ASH1L: variants seen among roughly 807,000 people sequenced by gnomAD.
The protein encoded by ASH1L is ASH1 like histone lysine methyltransferase.
ASH1L carries 23 observed loss-of-function variants against 269.0 expected under a neutral mutation model. The observed-to-expected ratio is 0.09, with a 90% CI of 0.06 to 0.12. The LOEUF (loss-of-function observed/expected upper bound fraction) is 0.12. ASH1L is among the 10% of genes least tolerant of loss of function. The probability of loss-of-function intolerance (pLI) is 1.00; values close to 1 mark genes in which losing one functional copy is unlikely to be tolerated. For synonymous variants in ASH1L, 1,187 were observed against 1,253.5 expected, an observed-to-expected ratio of 0.95 and a Z score of 1.12; for missense variants, 2,912 against 3,567.8, an observed-to-expected ratio of 0.82 and a Z score of 4.68.
chr1:155,355,649 TC>T (rs1233971072), intron 15 of ASH1L, among the ~76,000 whole-genome samples: 1 of 152,192 alleles, frequency 6.6e-6, no homozygotes, highest in Non-Finnish European at 1.5e-5. Flanking sequence ...TTTTCAAAGT[TC>T]CCCATGCTAA....
At chr1:155,500,254 G>A (rs560295071) in intron 2 of ASH1L, among the ~76,000 whole-genome samples, 1 of 152,158 alleles carries the variant, frequency 6.6e-6, no homozygotes, top group African/African-American at 2.4e-5. Flanking sequence ...GTATGTAAAG[G>A]GGGAAGAAAG....
At chr1:155,349,643 G>A (rs1008890179) in intron 17 of ASH1L, 47 bp from the exon 18 acceptor site, 1 of 1,567,918 alleles carries the variant, frequency 6.4e-7, no homozygotes, top group Non-Finnish European at 8.8e-7. Flanking sequence ...CCATACAAGG[G>A]AGGCAAGCAT....
At chr1:155,358,462 G>A (rs967438249) in intron 13 of ASH1L, among the ~76,000 whole-genome samples, 16 of 151,982 alleles carry the variant, frequency 1.1e-4, no homozygotes, top group Non-Finnish European at 2.4e-4. Flanking sequence ...AAGGCGGGCG[G>A]ATCACAAGGT....
intron 1 of ASH1L, among the ~76,000 whole-genome samples, chr1:155,532,005 G>C (rs1042644936): frequency 6.6e-6 from 1 of 152,072 alleles, no homozygotes; most frequent in African/African-American, 2.4e-5. Flanking sequence ...TTCCATCCAG[G>C]GGCAAGGATG....
chr1:155,515,982 T>A (rs1668477398), intron 2 of ASH1L, among the ~76,000 whole-genome samples: 1 of 152,116 alleles, frequency 6.6e-6, no homozygotes, highest in Non-Finnish European at 1.5e-5. Flanking sequence ...TCCTTTGAGG[T>A]AGCCTGATGG....
intron 16 of ASH1L, among the ~76,000 whole-genome samples, chr1:155,353,713 C>A (rs2148357395): frequency 6.6e-6 from 1 of 152,192 alleles, no homozygotes; most frequent in South Asian, 2.1e-4. Flanking sequence ...CTGATAATGA[C>A]CCGTCCCCCA....
chr1:155,360,954 G>A (rs929737541), intron 12 of ASH1L, among the ~76,000 whole-genome samples: 1 of 151,758 alleles, frequency 6.6e-6, no homozygotes, highest in East Asian at 2.0e-4. Flanking sequence ...AAGAGTTCAA[G>A]ACCAGACCAG....
chr1:155,370,901 C>G lies in ASH1L; in HGVS notation c.6415G>C (p.Val2139Leu). 1 of 1,614,176 alleles carries G rather than the reference C, an allele frequency of 6.2e-7. No individual in the cohort carries two copies. Among genetic ancestry groups the G allele is most frequent in the Non-Finnish European group, 8.5e-7 (1 of 1,180,048 alleles). Residue 2139 changes from valine (V) to leucine (L), a missense_variant, in exon 11 of 28, where the codon GTG (valine) becomes CTG (leucine). Coordinates refer to ENST00000392403, the MANE Select transcript of ASH1L (RefSeq NM_018489.3). Reference sequence around the variant, plus strand: ...GCTCGAAATCGTTCTAGACATTGCACCCATTCATGCCTCTGTATCCTCTGG... The same window carrying G: ...GCTCGAAATCGTTCTAGACATTGCAGCCATTCATGCCTCTGTATCCTCTGG... ...CNQRIQRHEW[V>L]QCLERFRAEE...
chr1:155,351,467 C>T (rs1653921721), intron 17 of ASH1L, among the ~76,000 whole-genome samples: 1 of 151,772 alleles, frequency 6.6e-6, no homozygotes, highest in African/African-American at 2.4e-5. Flanking sequence ...GTGGGAGAAT[C>T]ATCTGAACCC....
chr1:155,459,861 T>G lies in ASH1L; in HGVS notation c.5022A>C (p.Pro1674=). 3.7e-6 allele frequency: 6 copies of G among 1,612,744 alleles called. No individual in the cohort carries two copies. The highest frequency in any genetic ancestry group is 5.1e-6 in the Non-Finnish European group (6 of 1,179,496). ...TAGGGCTACAATTTGTGCTCTCTGA[T>G]GGCCGCTGGGAGGGTTTATCAGAGG... ...QPTSDKPSQR[P]SESTNCSPTR... The change falls in exon 4 of 28, where the codon CCA becomes CCC. Residue 1674 remains proline (P), a synonymous_variant. Coordinates refer to ENST00000392403, the MANE Select transcript of ASH1L (RefSeq NM_018489.3).
intron 6 of ASH1L, among the ~76,000 whole-genome samples, chr1:155,401,644 C>A (rs1035814147): frequency 6.6e-6 from 1 of 151,412 alleles, no homozygotes; most frequent in African/African-American, 2.4e-5. Flanking sequence ...AAAAATTAGC[C>A]GGGAGTGGTG....
At chr1:155,501,232 T>G (rs1489562510) in intron 2 of ASH1L, among the ~76,000 whole-genome samples, 1 of 152,182 alleles carries the variant, frequency 6.6e-6, no homozygotes, top group African/African-American at 2.4e-5. Flanking sequence ...AATGGGGTCT[T>G]GTTACGTTGC....
chr1:155,512,922 T>G (rs887474556), intron 2 of ASH1L, among the ~76,000 whole-genome samples: 1 of 151,654 alleles, frequency 6.6e-6, no homozygotes, highest in Non-Finnish European at 1.5e-5. Context: ...AGAAGTGTGG[T>G]GGCACACACC....
In ASH1L at chr1:155,364,015, C is replaced by T. The variant is rs560062028; in HGVS notation, c.6687-3606G>A. Reference sequence around the variant, plus strand: ...AAACCAAAAAAAGGTATCTTCTGGCCGGGTGTTGTGGCTCATACCTGTAAT... The same window carrying T: ...AAACCAAAAAAAGGTATCTTCTGGCTGGGTGTTGTGGCTCATACCTGTAAT... On this transcript the variant is annotated intron_variant, in intron 12 of 27. Coordinates refer to ENST00000392403, the MANE Select transcript of ASH1L (RefSeq NM_018489.3). Among the ~76,000 whole-genome samples the T allele has an allele frequency of 8.6e-5, 13 of 151,854 alleles. No homozygotes were observed. The South Asian group carries it at 1.7e-3, about 19-fold the overall frequency.
rs377030702 is a variant in ASH1L at position 155,343,447 on chromosome 1, G to C, written c.8160C>G (p.Pro2720=). 7.7e-5 allele frequency: 125 copies of C among 1,614,038 alleles called. No individual in the cohort carries two copies. The highest frequency in any genetic ancestry group is 1.0e-4 in the Non-Finnish European group (120 of 1,180,026). The change falls in exon 24 of 28, where the codon CCC becomes CCG. Residue 2720 remains proline (P), a synonymous_variant. Coordinates refer to ENST00000392403, the MANE Select transcript of ASH1L (RefSeq NM_018489.3). This position sits in a 1 kb window ranked among gnomAD's most constrained non-coding sequence, Gnocchi z 6.1. ...RFAFGHHYFR[P]HETHHSPSRR... ...GGGATGGAGAGTGGTGTGTTTCGTG[G>C]GGACGGAAATAATGGTGACCAAAGG...
intron 12 of ASH1L, among the ~76,000 whole-genome samples, chr1:155,369,988 C>T (rs1040876668): frequency 6.6e-6 from 1 of 152,140 alleles, no homozygotes; most frequent in Admixed American, 6.6e-5. Flanking sequence ...AGGCTGGTCT[C>T]AAACTCTTGA....
At chr1:155,511,990 T>G (rs910236297) in intron 2 of ASH1L, among the ~76,000 whole-genome samples, 1 of 151,948 alleles carries the variant, frequency 6.6e-6, no homozygotes, top group African/African-American at 2.4e-5. Flanking sequence ...TTTTGTATTT[T>G]TAGTAGAGAC....
chr1:155,522,288 T>C (rs1485864111), intron 1 of ASH1L, among the ~76,000 whole-genome samples: 1 of 152,204 alleles, frequency 6.6e-6, no homozygotes, highest in African/African-American at 2.4e-5. Flanking sequence ...AATCATTCAC[T>C]TGTCCATTCA....
At chr1:155,457,496 T>C (rs544510057) in intron 4 of ASH1L, among the ~76,000 whole-genome samples, 1 of 152,372 alleles carries the variant, frequency 6.6e-6, no homozygotes, top group East Asian at 1.9e-4. Context: ...ACCCTTTATG[T>C]TGTCCCACTT....
Sources: allele counts gnomAD v4.1 joint callset (sites outside exome capture counted in the v4.1 genomes callset), GRCh38; gene constraint gnomAD v4.1.1; non-coding constraint Gnocchi (gnomAD v3.1); transcripts MANE v1.5; gene names NCBI Gene and HGNC (gene_info 2026-07-23, HGNC 2026-07-21).